NALCN: variants seen among roughly 807,000 people sequenced by gnomAD.
NALCN encodes the protein sodium leak channel NALCN.
In NALCN, 111 loss-of-function variants were observed where a neutral mutation model predicts 225.3. The observed-to-expected ratio is 0.49, with a 90% CI of 0.42 to 0.58. The LOEUF (loss-of-function observed/expected upper bound fraction) is 0.58. Ranked by LOEUF, NALCN falls within the 20% of genes least tolerant of loss-of-function variation. The pLI is 0.00. For missense variants in NALCN, 1,378 were observed against 2,202.4 expected (o/e 0.63, Z 7.49); for synonymous variants, 764 against 769.0 (o/e 0.99, Z 0.11).
At chr13:101,267,806 C>T (rs148799405) in intron 10 of NALCN, among the ~76,000 whole-genome samples, 1 of 152,164 alleles carries the variant, frequency 6.6e-6, no homozygotes, top group Non-Finnish European at 1.5e-5. Flanking sequence ...TTCAACTGAT[C>T]CGCAAATTCA....
intron 10 of NALCN, among the ~76,000 whole-genome samples, chr13:101,266,050 T>G (rs571886): frequency 1.3e-5 from 2 of 152,112 alleles, no homozygotes; most frequent in African/African-American, 4.8e-5. Context: ...GTCTCTGTGC[T>G]GGATTTCACC....
At chr13:101,077,570 C>T (rs1449352659) in intron 34 of NALCN, among the ~76,000 whole-genome samples, 3 of 152,072 alleles carry the variant, frequency 2.0e-5, no homozygotes, top group African/African-American at 7.2e-5. Flanking sequence ...TTTGCCCCTG[C>T]CCTAGAGATC....
intron 15 of NALCN, among the ~76,000 whole-genome samples, chr13:101,156,304 G>A (rs2037899313): frequency 6.6e-6 from 1 of 152,058 alleles, no homozygotes; most frequent in Non-Finnish European, 1.5e-5. Context: ...TTTCTTCAGA[G>A]TGCCGACTTG....
intron 18 of NALCN, among the ~76,000 whole-genome samples, chr13:101,118,121 C>G (rs2035799810): frequency 6.6e-6 from 1 of 152,062 alleles, no homozygotes; most frequent in South Asian, 2.1e-4. Flanking sequence ...TCAATTGTAA[C>G]AAATGTACCA....
intron 14 of NALCN, among the ~76,000 whole-genome samples, chr13:101,184,038 T>C (rs771274826): frequency 5.9e-5 from 9 of 152,270 alleles, no homozygotes; most frequent in Non-Finnish European, 1.3e-4. Context: ...TACTGTGTAA[T>C]ATACAGCTGA....
At position 101,284,781 on chromosome 13, in the gene NALCN, G is replaced by T. The variant is rs573657336; in HGVS notation, c.1048-762C>A. Among the ~76,000 whole-genome samples, 56 of 152,160 alleles carry T rather than the reference G, an allele frequency of 3.7e-4. 1 individual carries two copies. Among genetic ancestry groups the T allele is most frequent in the African/African-American group, 1.3e-3 (52 of 41,500 alleles). On this transcript the variant is annotated intron_variant, in intron 9 of 43. Coordinates refer to ENST00000251127, the MANE Select transcript of NALCN (RefSeq NM_052867.4). ...GAAATCCATTGAATTAGATACCTAG[G>T]TTATTATCTCCTAGGTACCTATTAT...
At chr13:101,056,258 T>A (rs2031241835) in intron 43 of NALCN, among the ~76,000 whole-genome samples, 1 of 136,722 alleles carries the variant, frequency 7.3e-6, no homozygotes, top group Admixed American at 7.3e-5. Flanking sequence ...TTTTTTTTTT[T>A]TTTTTTTTTT....
chr13:101,119,175 T>C (rs576823989), intron 18 of NALCN, among the ~76,000 whole-genome samples: 58 of 152,308 alleles, frequency 3.8e-4, no homozygotes, highest in African/African-American at 1.2e-3. Flanking sequence ...ATTTACATAA[T>C]TGCAGATTAA....
At chr13:101,201,123 C>T (rs1005776404) in intron 13 of NALCN, among the ~76,000 whole-genome samples, 3 of 152,020 alleles carry the variant, frequency 2.0e-5, no homozygotes, top group Admixed American at 6.6e-5. Flanking sequence ...ATGGAAAGGA[C>T]TAAGGAACTA....
chr13:101,286,199 A>G (rs1435662814), intron 9 of NALCN, among the ~76,000 whole-genome samples: 32 of 152,344 alleles, frequency 2.1e-4, no homozygotes, highest in Admixed American at 3.9e-4. Context: ...TCAGAGACTC[A>G]AATCCTTGCG....
At chr13:101,147,515 G>A (rs1298234581) in intron 15 of NALCN, among the ~76,000 whole-genome samples, 2 of 151,712 alleles carry the variant, frequency 1.3e-5, no homozygotes, top group Non-Finnish European at 2.9e-5. Context: ...GCTACCCACT[G>A]CTTTTAACAA....
At chr13:101,347,680 G>T (rs1333847842) in intron 6 of NALCN, among the ~76,000 whole-genome samples, 2 of 152,088 alleles carry the variant, frequency 1.3e-5, no homozygotes. Context: ...TCCCAGCTCT[G>T]CCATTTACTG....
At chr13:101,295,711 C>T (rs1022293341) in intron 7 of NALCN, among the ~76,000 whole-genome samples, 34 of 152,100 alleles carry the variant, frequency 2.2e-4, no homozygotes, top group African/African-American at 7.0e-4. Flanking sequence ...CCCAGGAAGA[C>T]GCTGACGATG....
At chr13:101,322,738 A>G (rs1594674620) in intron 7 of NALCN, among the ~76,000 whole-genome samples, 1 of 152,066 alleles carries the variant, frequency 6.6e-6, no homozygotes, top group East Asian at 1.9e-4. Context: ...TTTGAGACAG[A>G]GTCTCACTCT....
In NALCN at chr13:101,104,199, C is replaced by G; in HGVS notation, c.2889+96G>C. 1 of 1,435,688 alleles carries G rather than the reference C, an allele frequency of 7.0e-7. No homozygotes were observed. Among genetic ancestry groups the G allele is most frequent in the South Asian group, 1.4e-5 (1 of 69,632 alleles). 88.9% of individuals were successfully genotyped at this position (1,435,688 alleles called of 1,614,324 possible). ...TAAGAATTCGGTTAGGGAATCTAAGCCTCTGTAACTCATACCTCTTGCGCT... is the reference window on the plus strand; with the variant it reads ...TAAGAATTCGGTTAGGGAATCTAAGGCTCTGTAACTCATACCTCTTGCGCT... On this transcript the variant is annotated intron_variant, in intron 25 of 43. Coordinates refer to ENST00000251127, the MANE Select transcript of NALCN (RefSeq NM_052867.4). This position sits in a 1 kb window ranked among gnomAD's most constrained non-coding sequence, Gnocchi z 4.2.
chr13:101,111,326 C>A, intron 18 of NALCN, 100 bp from the exon 19 acceptor site: 1 of 948,004 alleles, frequency 1.1e-6, no homozygotes, highest in Non-Finnish European at 1.5e-6. Context: ...AAGGCAACAC[C>A]AATGAAAACA....
At chr13:101,372,874 C>T (rs1465615511) in intron 6 of NALCN, among the ~76,000 whole-genome samples, 1 of 151,466 alleles carries the variant, frequency 6.6e-6, no homozygotes, top group Non-Finnish European at 1.5e-5. Context: ...CAATAGAGAA[C>T]ATTAAATAGG....
At chr13:101,391,286 C>T (rs1469425907) in intron 3 of NALCN, among the ~76,000 whole-genome samples, 2 of 152,094 alleles carry the variant, frequency 1.3e-5, no homozygotes, top group East Asian at 3.8e-4. Flanking sequence ...AAGCTATTTA[C>T]ACAGGTCTAT....
At chr13:101,337,307 T>A (rs888372091) in intron 7 of NALCN, among the ~76,000 whole-genome samples, 1 of 150,436 alleles carries the variant, frequency 6.6e-6, no homozygotes, top group African/African-American at 2.5e-5. Context: ...TTTATTTATT[T>A]ATTTATTTAT....
Sources: gnomAD v4.1 joint callset for allele counts (sites outside exome capture counted in the v4.1 genomes callset) on GRCh38, gnomAD v4.1.1 for gene constraint, Gnocchi (gnomAD v3.1) non-coding constraint, MANE v1.5 for transcripts, NCBI Gene and HGNC (gene_info 2026-07-23, HGNC 2026-07-21) for gene names.